The following ELOVL5 variants were observed in gnomAD, a reference collection of about 807,000 sequenced individuals.
ELOVL5 encodes ELOVL fatty acid elongase 5.
In ELOVL5, 8 loss-of-function variants were observed where a neutral mutation model predicts 38.6. That is an observed-to-expected ratio of 0.21 (90% CI 0.12 to 0.37). The LOEUF is 0.37. Ranked by LOEUF, ELOVL5 falls within the 10% of genes least tolerant of loss-of-function variation. The pLI is 1.00. For missense variants in ELOVL5, 280 were observed against 367.8 expected, an observed-to-expected ratio of 0.76 and a Z score of 1.95; for synonymous variants, 127 against 133.7, an observed-to-expected ratio of 0.95 and a Z score of 0.34.
chr6:53,299,078 T>C (rs1212457790), intron 1 of ELOVL5, among the ~76,000 whole-genome samples: 1 of 152,170 alleles, frequency 6.6e-6, no homozygotes, highest in Non-Finnish European at 1.5e-5. Context: ...GCATACCTGG[T>C]GACCTAGAAA....
intron 1 of ELOVL5, among the ~76,000 whole-genome samples, chr6:53,312,735 A>T (rs1364023986): frequency 6.6e-6 from 1 of 152,178 alleles, no homozygotes; most frequent in Non-Finnish European, 1.5e-5. Flanking sequence ...AAAAAGTTCA[A>T]TTTTTTAAAA....
At chr6:53,292,109 A>C in intron 2 of ELOVL5, 146 bp from the exon 3 acceptor site, 1 of 505,496 alleles carries the variant, frequency 2.0e-6, no homozygotes, top group Non-Finnish European at 3.5e-6. Context: ...GGAGGCATGG[A>C]TTTTCAATAC....
intron 1 of ELOVL5, among the ~76,000 whole-genome samples, chr6:53,314,062 G>A (rs1767943989): frequency 6.6e-6 from 1 of 152,178 alleles, no homozygotes; most frequent in Non-Finnish European, 1.5e-5. Context: ...TTTTCACCAA[G>A]TGCTACATTC....
At chr6:53,326,263 TC>T (rs1161686053) in intron 1 of ELOVL5, among the ~76,000 whole-genome samples, 1 of 152,160 alleles carries the variant, frequency 6.6e-6, no homozygotes, top group African/African-American at 2.4e-5. Flanking sequence ...AGGCACTCAT[TC>T]TTGCCTCCTT....
chr6:53,270,556 C>T lies in ELOVL5; in HGVS notation c.756+37G>A, dbSNP rs763545592. 9.9e-6 allele frequency: 16 copies of T among 1,609,888 alleles called. No homozygotes were observed. The Middle Eastern group carries it at 5.2e-4, about 52-fold the overall frequency. The stretch of plus-strand genomic sequence containing the variant: ...AGATGAGGGCCTTTGTTGGTAAAGG[C>T]CCCAGATTCCAAGTCCCAGAGAAGG... On this transcript the variant is annotated intron_variant, in intron 7 of 7. Transcript: ENST00000304434.
chr6:53,289,922 GATTTA>G (rs1766712454), intron 3 of ELOVL5, among the ~76,000 whole-genome samples: 1 of 152,242 alleles, frequency 6.6e-6, no homozygotes, highest in East Asian at 1.9e-4. Context: ...TTGTAAACTT[GATTTA>G]ATTTAAGGAA....
At chr6:53,302,143 C>T (rs889585916) in intron 1 of ELOVL5, among the ~76,000 whole-genome samples, 1 of 152,252 alleles carries the variant, frequency 6.6e-6, no homozygotes, top group African/African-American at 2.4e-5. Flanking sequence ...AATACTAACA[C>T]GAGCAGAACA....
At chr6:53,335,544 AGGGC>A (rs1769023632) in intron 1 of ELOVL5, among the ~76,000 whole-genome samples, 1 of 150,484 alleles carries the variant, frequency 6.6e-6, no homozygotes, top group African/African-American at 2.4e-5. Context: ...GTTTACTCGC[AGGGC>A]ACACCTTTGC....
At position 53,295,647 on chromosome 6, in the gene ELOVL5, G is replaced by A; in HGVS notation, c.53C>T (p.Pro18Leu). The A allele has an allele frequency of 6.2e-7, 1 of 1,602,238 alleles. No homozygotes were observed. Among genetic ancestry groups the A allele is most frequent in the Non-Finnish European group, 8.5e-7 (1 of 1,176,426 alleles). The change falls in exon 2 of 8, where the codon CCT (proline) becomes CTT (leucine). Residue 18 changes from proline (P) to leucine (L), a missense_variant. This residue lies in a region of ELOVL5 where 150 missense variants were observed against 178.0 expected (regional missense o/e 0.84). Coordinates refer to ENST00000304434, the MANE Select transcript of ELOVL5 (RefSeq NM_021814.5). ...AAAACCAAAAACCACCTTACCTCGAGGGCCTAGCAATGCCTTGAAATAGGT... is the reference window on the plus strand; with the variant it reads ...AAAACCAAAAACCACCTTACCTCGAAGGCCTAGCAATGCCTTGAAATAGGT... The part of the protein sequence containing the change: ...LSTYFKALLG[P>L]RDTRVKGWFL...
intron 1 of ELOVL5, among the ~76,000 whole-genome samples, chr6:53,333,146 AAG>A (rs1444765308): frequency 1.3e-5 from 2 of 150,046 alleles, no homozygotes; most frequent in African/African-American, 2.5e-5. Flanking sequence ...AACAGTGTTA[AAG>A]AGAGTGTTAA....
At chr6:53,338,985 A>T (rs1769204612) in intron 1 of ELOVL5, among the ~76,000 whole-genome samples, 1 of 152,246 alleles carries the variant, frequency 6.6e-6, no homozygotes, top group Admixed American at 6.5e-5. Flanking sequence ...TTTTAATTCA[A>T]GCCTGTGTAA....
At chr6:53,285,740 C>A (rs765651889) in intron 3 of ELOVL5, among the ~76,000 whole-genome samples, 7 of 152,170 alleles carry the variant, frequency 4.6e-5, no homozygotes, top group Non-Finnish European at 5.9e-5. Flanking sequence ...TCCCAAGTAG[C>A]TAGGACAACA....
At chr6:53,342,765 G>A (rs1769382863) in intron 1 of ELOVL5, among the ~76,000 whole-genome samples, 1 of 152,098 alleles carries the variant, frequency 6.6e-6, no homozygotes, top group Non-Finnish European at 1.5e-5. Context: ...CAAATAAAAG[G>A]TAAAAAAGTC....
chr6:53,312,152 G>A (rs1206241736), intron 1 of ELOVL5, among the ~76,000 whole-genome samples: 1 of 152,096 alleles, frequency 6.6e-6, no homozygotes, highest in Admixed American at 6.5e-5. Context: ...TTATAGTATA[G>A]GAATATAATT....
intron 1 of ELOVL5, among the ~76,000 whole-genome samples, chr6:53,298,521 A>G (rs1337919316): frequency 1.3e-5 from 2 of 152,180 alleles, no homozygotes; most frequent in African/African-American, 4.8e-5. Flanking sequence ...CAAGTTATTT[A>G]ATCTTTCTGA....
chr6:53,331,985 A>G (rs572493007), intron 1 of ELOVL5, among the ~76,000 whole-genome samples: 1 of 152,200 alleles, frequency 6.6e-6, no homozygotes, highest in African/African-American at 2.4e-5. Flanking sequence ...TGAGAGAGGA[A>G]GCAAGACAAA....
chr6:53,273,237 T>C lies in ELOVL5; in HGVS notation c.604A>G (p.Ile202Val). ...TCACTCACCAGCTGCCCCTGAGTGA[T>C]GTACTTCTTCCACCAGAGGTATGGA... ...MRPYLWWKKY[I>V]TQGQLLQFVL... The change falls in exon 6 of 8, where the codon ATC (isoleucine) becomes GTC (valine). Residue 202 changes from isoleucine to valine, a missense_variant. Physicochemically the swap from Ile to Val is conservative, Grantham distance 29. Coordinates refer to ENST00000304434, the MANE Select transcript of ELOVL5 (RefSeq NM_021814.5). The C allele has an allele frequency of 1.2e-6, 2 of 1,613,774 alleles. No homozygotes were observed. The highest frequency in any genetic ancestry group is 1.7e-6 in the Non-Finnish European group (2 of 1,179,764).
At chr6:53,283,733 C>A (rs1394021199) in intron 3 of ELOVL5, among the ~76,000 whole-genome samples, 3 of 151,862 alleles carry the variant, frequency 2.0e-5, no homozygotes, top group Non-Finnish European at 4.4e-5. Flanking sequence ...AAAAGATTAC[C>A]CTACAAATGA....
chr6:53,269,342 C>T (rs1192339886), intron 7 of ELOVL5, 72 bp from the exon 8 acceptor site: 2 of 1,258,148 alleles, frequency 1.6e-6, no homozygotes, highest in Non-Finnish European at 2.2e-6. Context: ...CTGAGAATTG[C>T]ATCCCTAACA....
Sources: gnomAD v4.1 joint callset for allele counts (sites outside exome capture counted in the v4.1 genomes callset) on GRCh38, gnomAD v4.1.1 for gene constraint, gnomAD v4.1.1 regional missense constraint, MANE v1.5 for transcripts, NCBI Gene and HGNC (gene_info 2026-07-23, HGNC 2026-07-21) for gene names.